Variants in ATP2C2 observed in about 807,000 individuals in gnomAD.
ATP2C2 encodes the protein ATPase secretory pathway Ca2+ transporting 2.
A neutral mutation model predicts 110.8 loss-of-function variants in ATP2C2; 171 were observed. That is an observed-to-expected ratio of 1.54 (90% CI 1.36 to 1.75). The LOEUF (loss-of-function observed/expected upper bound fraction) is 1.75. Ranked by LOEUF, ATP2C2 falls within the 40% of genes most tolerant of loss-of-function variation. The pLI is 0.00. For missense variants in ATP2C2, 1,963 were observed against 1,235.0 expected (o/e 1.59, Z -8.84); for synonymous variants, 804 against 508.4 (o/e 1.58, Z -7.82).
intron 18 of ATP2C2, 77 bp downstream of exon 18, chr16:84,452,168 A>C: frequency 6.4e-7 from 1 of 1,568,594 alleles, no homozygotes; most frequent in Non-Finnish European, 8.7e-7. Context: ...ACCAAAGGGA[A>C]GCCTCCGCAA....
chr16:84,446,805 C>T (rs1909792707), intron 16 of ATP2C2, among the ~76,000 whole-genome samples: 1 of 152,306 alleles, frequency 6.6e-6, no homozygotes, highest in South Asian at 2.1e-4. Context: ...ATCGACCAGC[C>T]TGTAATCCAG....
chr16:84,411,678 A>G (rs910621544), intron 6 of ATP2C2, among the ~76,000 whole-genome samples: 2 of 152,272 alleles, frequency 1.3e-5, no homozygotes, highest in Non-Finnish European at 2.9e-5. Flanking sequence ...CTGACCTCAG[A>G]TGATCTGCCT....
intron 24 of ATP2C2, 24 bp downstream of exon 24, chr16:84,460,825 G>A (rs766505114): frequency 2.5e-6 from 4 of 1,597,304 alleles, no homozygotes; most frequent in Non-Finnish European, 3.4e-6. Flanking sequence ...ACCCCGGCCT[G>A]TTCTCCAAGC....
intron 15 of ATP2C2, among the ~76,000 whole-genome samples, chr16:84,444,180 AAAAAC>A (rs1456806854): frequency 1.6e-4 from 24 of 148,406 alleles, no homozygotes; most frequent in Admixed American, 1.5e-3. Context: ...AAAAAAAAAA[AAAAAC>A]AAAAAGATTG....
rs757894206 is a variant in ATP2C2 at position 84,452,016 on chromosome 16, G to A, written c.1756G>A (p.Val586Ile). 24 of 1,613,758 alleles carry A rather than the reference G, an allele frequency of 1.5e-5. No homozygotes were observed. The highest frequency in any genetic ancestry group is 1.6e-4 in the Middle Eastern group (1 of 6,084). ...CCCGAGAGTTGGCGTGAAGGAAGCA[G>A]TCCAGGTTCTCTCCGAGTCTGGTGT... Reference protein sequence around the residue: ...DPPRVGVKEAVQVLSESGVSV... With the variant: ...DPPRVGVKEAIQVLSESGVSV... The change falls in exon 18 of 27, where the codon GTC (valine) becomes ATC (isoleucine). Residue 586 changes from valine to isoleucine, a missense_variant. Val to Ile is a conservative substitution (Grantham distance 29). Coordinates refer to ENST00000262429, the MANE Select transcript of ATP2C2 (RefSeq NM_014861.4).
intron 1 of ATP2C2, among the ~76,000 whole-genome samples, chr16:84,392,169 C>A (rs1904704183): frequency 6.6e-6 from 1 of 152,132 alleles, no homozygotes; most frequent in African/African-American, 2.4e-5. Flanking sequence ...CCAATCTTGA[C>A]TCCTGTCTAC....
intron 16 of ATP2C2, among the ~76,000 whole-genome samples, chr16:84,447,226 C>T (rs940131386): frequency 6.6e-6 from 1 of 152,198 alleles, no homozygotes; most frequent in Non-Finnish European, 1.5e-5. Context: ...GTGGGCAGCT[C>T]AGCCAGCTCA....
chr16:84,401,141 C>T (rs1905291068), intron 2 of ATP2C2, among the ~76,000 whole-genome samples: 1 of 151,970 alleles, frequency 6.6e-6, no homozygotes, highest in African/African-American at 2.4e-5. Flanking sequence ...GAAATCTTTG[C>T]CCAGTTCAAT....
rs746162693 is a variant in ATP2C2 at position 84,459,498 on chromosome 16, T to A, written c.2333+112T>A. 53 of 1,582,772 alleles carry A rather than the reference T, an allele frequency of 3.3e-5. 1 individual carries two copies. The Middle Eastern group carries it at 5.0e-4, about 15-fold the overall frequency. On this transcript the variant is annotated intron_variant, in intron 23 of 26. Transcript: ENST00000262429. ...TAGGGATGAACAAATACAGCCACTT[T>A]CCATCAGGAGTTCCCAGAAAACTGA...
At chr16:84,449,972 C>T (rs759634575) in intron 17 of ATP2C2, among the ~76,000 whole-genome samples, 1 of 152,236 alleles carries the variant, frequency 6.6e-6, no homozygotes, top group Non-Finnish European at 1.5e-5. Flanking sequence ...TGAATCCCCA[C>T]CGGGCAGAGG....
intron 1 of ATP2C2, among the ~76,000 whole-genome samples, chr16:84,388,516 T>C (rs1904453568): frequency 6.6e-6 from 1 of 152,110 alleles, no homozygotes; most frequent in Admixed American, 6.5e-5. Context: ...ACTCTGAGAA[T>C]CCTGGAATAA....
chr16:84,418,525 T>C (rs1031858151), intron 7 of ATP2C2, among the ~76,000 whole-genome samples: 2 of 152,248 alleles, frequency 1.3e-5, no homozygotes, highest in African/African-American at 2.4e-5. Context: ...AACCACCGTA[T>C]GAAAATTGTT....
At chr16:84,406,466 G>A (rs979847137) in intron 3 of ATP2C2, 8 of 451,100 alleles carry the variant, frequency 1.8e-5, no homozygotes, top group South Asian at 9.5e-5. Context: ...GGCTTCAACC[G>A]CCTTCCTATT....
intron 21 of ATP2C2, among the ~76,000 whole-genome samples, chr16:84,458,871 T>C (rs1910956937): frequency 6.6e-6 from 1 of 152,156 alleles, no homozygotes; most frequent in Non-Finnish European, 1.5e-5. Flanking sequence ...ATTGGAGGCA[T>C]CAGGTGTACC....
chr16:84,389,763 C>G (rs1200049098), intron 1 of ATP2C2, among the ~76,000 whole-genome samples: 1 of 150,930 alleles, frequency 6.6e-6, no homozygotes, highest in African/African-American at 2.4e-5. Context: ...CTCTGTCACC[C>G]AGGCTGGAGT....
chr16:84,422,818 C>G, intron 9 of ATP2C2, 121 bp downstream of exon 9: 1 of 1,088,750 alleles, frequency 9.2e-7, no homozygotes, highest in Non-Finnish European at 1.3e-6. Context: ...TATGAGTATA[C>G]TTTTTAAACA....
intron 1 of ATP2C2, among the ~76,000 whole-genome samples, chr16:84,397,669 A>AAAAAAAAAAAAC (rs1905077805): frequency 6.7e-6 from 1 of 149,482 alleles, no homozygotes; most frequent in African/African-American, 2.5e-5. Flanking sequence ...AAAAAAAAAA[A>AAAAAAAAAAAAC]AAAACTTGCT....
intron 1 of ATP2C2, among the ~76,000 whole-genome samples, chr16:84,378,687 C>T (rs541757675): frequency 3.3e-5 from 5 of 152,220 alleles, no homozygotes; most frequent in Non-Finnish European, 2.9e-5. Context: ...CCATAGAAAG[C>T]GCTCAGTGGT....
At chr16:84,411,391 G>A (rs1906273214) in intron 6 of ATP2C2, among the ~76,000 whole-genome samples, 1 of 152,192 alleles carries the variant, frequency 6.6e-6, no homozygotes, top group Non-Finnish European at 1.5e-5. Flanking sequence ...GAACTTGCAG[G>A]AAATGTTCTA....
Sources: allele counts gnomAD v4.1 joint callset (sites outside exome capture counted in the v4.1 genomes callset), GRCh38; gene constraint gnomAD v4.1.1; transcripts MANE v1.5; gene names NCBI Gene and HGNC (gene_info 2026-07-23, HGNC 2026-07-21).